ATP4A: variants seen among roughly 807,000 people sequenced by gnomAD.
ATP4A encodes the protein potassium-transporting ATPase alpha chain 1.
Under a neutral mutation model 112.1 loss-of-function variants are expected in ATP4A, and 73 were observed. The ratio of observed to expected loss-of-function variants is 0.65; its 90% CI spans 0.54 to 0.79. The LOEUF (loss-of-function observed/expected upper bound fraction) is 0.79. Ranked by LOEUF, ATP4A falls within the 30% of genes least tolerant of loss-of-function variation. The pLI is 0.00. For synonymous variants in ATP4A, 588 were observed against 588.9 expected (o/e 1.00, Z 0.02); for missense variants, 1,081 against 1,425.9 (o/e 0.76, Z 3.90).
In ATP4A at chr19:35,555,434, G is replaced by A. The variant is rs973164806; in HGVS notation, c.2157+6C>T. The A allele has an allele frequency of 2.5e-6, 4 of 1,610,810 alleles. No homozygotes were observed. In the South Asian group the frequency reaches 4.4e-5, roughly 18 times the overall value. On this transcript the variant is annotated splice_donor_region_variant and intron_variant, in intron 14 of 21. Transcript: ENST00000262623. This position sits in a 1 kb window ranked among gnomAD's most constrained non-coding sequence, Gnocchi z 6.6. ...CCGCCTGCCCACCCTCATCAGCAGG[G>A]CTCACCAGCCGCTGGCAGCTCTCCA... is the stretch of plus-strand genomic sequence containing the variant.
rs1023422591 is a variant in ATP4A at position 35,557,971 on chromosome 19, C to G, written c.1501-124G>C. 5 of 801,500 alleles carry G rather than the reference C, an allele frequency of 6.2e-6. No homozygotes were observed. The highest frequency in any genetic ancestry group is 1.9e-5 in the South Asian group (1 of 52,606). 49.6% of individuals were successfully genotyped at this position (801,500 alleles called of 1,614,324 possible). A position where few individuals can be genotyped will look rare whatever the true frequency, so the allele number is the denominator to read the frequency against. On this transcript the variant is annotated intron_variant, in intron 10 of 21. Coordinates refer to ENST00000262623, the MANE Select transcript of ATP4A (RefSeq NM_000704.3). The surrounding 1 kb of genome is among the most constrained non-coding windows in gnomAD (Gnocchi z 4.4). ...AGCTCGGTGCGGGCTCTGAGAGCTGCGGGGAAGGGTGAAGGTGGAAGATGG... is the reference window on the plus strand; with the variant it reads ...AGCTCGGTGCGGGCTCTGAGAGCTGGGGGGAAGGGTGAAGGTGGAAGATGG...
intron 17 of ATP4A, 44 bp from the exon 18 acceptor site, chr19:35,553,226 G>C (rs1568313171): frequency 2.6e-6 from 4 of 1,566,158 alleles, no homozygotes; most frequent in Non-Finnish European, 3.5e-6. Context: ...GATGGACACA[G>C]AGACAGGGAC....
At chr19:35,562,784 C>T (rs997583825) in intron 3 of ATP4A, 146 bp from the exon 4 acceptor site, 7 of 740,352 alleles carry the variant, frequency 9.5e-6, no homozygotes, top group Non-Finnish European at 1.5e-5. Context: ...CCTGCCCCCA[C>T]CCCATCTCTC....
Position 35,558,250 on chromosome 19 carries a change from G to T in ATP4A, c.1500+112C>A. ...GCGGGAGATGGGGTGGGGTTTGGCT[G>T]CGGAGAGAAGGGGCAAGGAGCGAAG... is the stretch of plus-strand genomic sequence containing the variant. On this transcript the variant is annotated intron_variant, in intron 10 of 21. Transcript: ENST00000262623. The surrounding 1 kb of genome is among the most constrained non-coding windows in gnomAD (Gnocchi z 5.1). 1 of 1,366,640 alleles carries T rather than the reference G, an allele frequency of 7.3e-7. No homozygotes were observed. Among genetic ancestry groups the T allele is most frequent in the Non-Finnish European group, 9.8e-7 (1 of 1,023,598 alleles). The allele number at this position is 1,366,640 out of a possible 1,614,324, so 84.7% of individuals were successfully genotyped here.
intron 17 of ATP4A, among the ~76,000 whole-genome samples, chr19:35,553,403 C>G (rs1038466289): frequency 6.6e-6 from 1 of 151,968 alleles, no homozygotes; most frequent in African/African-American, 2.4e-5. Context: ...GAGAGAGAAG[C>G]AGGGACAGAG....
rs755944544 is a variant in ATP4A at position 35,555,188 on chromosome 19, G to A, written c.2304C>T (p.Ser768=). Residue 768 remains serine (S), a synonymous_variant, in exon 15 of 22, where the codon TCC becomes TCT. Transcript: ENST00000262623. This position sits in a 1 kb window ranked among gnomAD's most constrained non-coding sequence, Gnocchi z 6.6. The stretch of plus-strand genomic sequence containing the variant: ...GACCCTGCTCCACGCCTGTCACAAT[G>A]GAGGCAAAGTTGTCATCCAGCAGGA... ...DMILLDDNFA[S]IVTGVEQGRL... 5 of 1,614,112 alleles carry A rather than the reference G, an allele frequency of 3.1e-6. No individual in the cohort carries two copies. The Admixed American group carries it at 8.3e-5, about 27-fold the overall frequency.
rs1293523645 is a variant in ATP4A, at chr19:35,555,060, G to A, written c.2343C>T (p.Asp781=). The change falls in exon 16 of 22, where the codon GAC becomes GAT. Residue 781 remains aspartate (D), a synonymous_variant. Transcript: ENST00000262623. The surrounding 1 kb of genome is among the most constrained non-coding windows in gnomAD (Gnocchi z 6.6). ...TGVEQGRLIF[D]NLKKSIAYTL... ...TGTAGGCAATAGACTTCTTCAGGTT[G>A]TCGAAGATCAGTCGACCTGTGGGGT... is the stretch of plus-strand genomic sequence containing the variant. 2 of 1,613,638 alleles carry A rather than the reference G, an allele frequency of 1.2e-6. No homozygotes were observed. The highest frequency in any genetic ancestry group is 1.1e-5 in the South Asian group (1 of 91,038).
chr19:35,559,729 G>A lies in ATP4A; in HGVS notation c.1056+76C>T. The A allele has an allele frequency of 6.4e-7, 1 of 1,551,206 alleles. No homozygotes were observed. The highest frequency in any genetic ancestry group is 8.7e-7 in the Non-Finnish European group (1 of 1,145,532). On this transcript the variant is annotated intron_variant, in intron 7 of 21. Transcript: ENST00000262623. This position sits in a 1 kb window ranked among gnomAD's most constrained non-coding sequence, Gnocchi z 4.1. ...ACAGATAGACAGGCAGGGAGGTGAT[G>A]GGGGAAATGTGGAGGAAAGAACAGA...
In ATP4A at chr19:35,558,165, T is replaced by C. The variant is rs2071643897; in HGVS notation, c.1500+197A>G. The stretch of plus-strand genomic sequence containing the variant: ...ATGGACAGTCCCGCCGAGGAGAAGC[T>C]GTGGGCGGGGCTGGGTGGTGGGCGG... On this transcript the variant is annotated intron_variant, in intron 10 of 21. Coordinates refer to ENST00000262623, the MANE Select transcript of ATP4A (RefSeq NM_000704.3). The surrounding 1 kb of genome is among the most constrained non-coding windows in gnomAD (Gnocchi z 5.1). 1 of 729,930 alleles carries C rather than the reference T, an allele frequency of 1.4e-6. No individual in the cohort carries two copies. Among genetic ancestry groups the C allele is most frequent in the Middle Eastern group, 4.0e-4 (1 of 2,508 alleles). The allele number at this position is 729,930 out of a possible 1,614,324, so 45.2% of individuals were successfully genotyped here.
At position 35,560,917 on chromosome 19, in the gene ATP4A, C is replaced by T. The variant is rs776771707; in HGVS notation, c.436G>A (p.Ala146Thr). 13 of 1,613,628 alleles carry T rather than the reference C, an allele frequency of 8.1e-6. No individual in the cohort carries two copies. Among genetic ancestry groups the T allele is most frequent in the African/African-American group, 2.7e-5 (2 of 74,792 alleles). The change falls in exon 5 of 22, where the codon GCT becomes ACT. Residue 146 changes from alanine to threonine, a missense_variant. By Grantham distance (58) the Ala-to-Thr change is moderately conservative (BLOSUM62 0). This residue lies in a region of ATP4A where 850 missense variants were observed against 1,068.2 expected (regional missense o/e 0.80). Transcript: ENST00000262623. The surrounding 1 kb of genome is among the most constrained non-coding windows in gnomAD (Gnocchi z 5.1). ...GTGACGACAACCACAGCAATGAGAG[C>T]GATTGCCAGGTACAGCTGGGGACAG... ...TTDDNLYLAI[A>T]LIAVVVVTGC...
Position 35,553,824 on chromosome 19 carries a change from T to G in ATP4A, c.2487A>C (p.Pro829=). Residue 829 remains proline, a synonymous_variant, in exon 17 of 22, where the codon CCA becomes CCC. Transcript: ENST00000262623. ...CCTTTTCATATGCCAGGGACACAGATGGGAACTGGCCAGGAGTGGAAGGAA... is the reference window on the plus strand; with the variant it reads ...CCTTTTCATATGCCAGGGACACAGAGGGGAACTGGCCAGGAGTGGAAGGAA... ...LFIELCTDIF[P]SVSLAYEKAE... 1 of 1,574,986 alleles carries G rather than the reference T, an allele frequency of 6.3e-7. No homozygotes were observed. The highest frequency in any genetic ancestry group is 8.6e-7 in the Non-Finnish European group (1 of 1,159,768).
rs2071651847 is a variant in ATP4A, at chr19:35,559,114, C to T, written c.1134G>A (p.Leu378=). ...VVKNLEAVET[L]GSTSVICSDK... is the part of the protein sequence containing the mutation. ...CCGAGCAGATCACCGAAGTGGAGCC[C>T]AATGTCTCCACCGCCTCCAGGTTCT... is the stretch of plus-strand genomic sequence containing the variant. Residue 378 remains leucine, a synonymous_variant, in exon 8 of 22, where the codon TTG becomes TTA. Coordinates refer to ENST00000262623, the MANE Select transcript of ATP4A (RefSeq NM_000704.3). This position sits in a 1 kb window ranked among gnomAD's most constrained non-coding sequence, Gnocchi z 4.1. 6.2e-7 allele frequency: 1 copy of T among 1,614,048 alleles called. No homozygotes were observed. The highest frequency in any genetic ancestry group is 1.3e-5 in the African/African-American group (1 of 74,918).
In ATP4A at chr19:35,557,616, C is replaced by T. The variant is rs1236810068; in HGVS notation, c.1693+39G>A. Reference sequence around the variant, plus strand: ...TGGGCAGGGTCTGTGCTAGCTCCTCCTCGCACCTGGAGTCTCCTCCCCTGC... The same window carrying T: ...TGGGCAGGGTCTGTGCTAGCTCCTCTTCGCACCTGGAGTCTCCTCCCCTGC... On this transcript the variant is annotated intron_variant, in intron 11 of 21. Transcript: ENST00000262623. The surrounding 1 kb of genome is among the most constrained non-coding windows in gnomAD (Gnocchi z 4.4). The T allele has an allele frequency of 1.9e-6, 3 of 1,567,254 alleles. No individual in the cohort carries two copies. Among genetic ancestry groups the T allele is most frequent in the South Asian group, 2.3e-5 (2 of 85,572 alleles).
At position 35,553,933 on chromosome 19, in the gene ATP4A, G is replaced by A. The variant is rs536442242; in HGVS notation, c.2482-104C>T. 7.5e-6 allele frequency: 11 copies of A among 1,459,464 alleles called. No individual in the cohort carries two copies. The African/African-American group carries it at 1.3e-4, about 17-fold the overall frequency. The allele number at this position is 1,459,464 out of a possible 1,614,324, so 90.4% of individuals were successfully genotyped here. On this transcript the variant is annotated intron_variant, in intron 16 of 21. Coordinates refer to ENST00000262623, the MANE Select transcript of ATP4A (RefSeq NM_000704.3). ...ACTTGTGAGCAGGAACAGGACTGAG[G>A]TTAGCAGGCAGGACCTGCAGGGACG...
At position 35,550,648 on chromosome 19, in the gene ATP4A, G is replaced by A; in HGVS notation, c.3080-5C>T. On this transcript the variant is annotated splice_polypyrimidine_tract_variant and splice_region_variant and intron_variant, in intron 21 of 21. Coordinates refer to ENST00000262623, the MANE Select transcript of ATP4A (RefSeq NM_000704.3). This position sits in a 1 kb window ranked among gnomAD's most constrained non-coding sequence, Gnocchi z 4.1. ...AGAGTTCCTGGTCCCACCAGCCTGG[G>A]AGAGAGAGGGAGAAAGGAGACTCAG... The A allele has an allele frequency of 1.2e-6, 2 of 1,613,832 alleles. No individual in the cohort carries two copies. Among genetic ancestry groups the A allele is most frequent in the Non-Finnish European group, 1.7e-6 (2 of 1,179,840 alleles).
rs542682315 is a variant in ATP4A at position 35,553,040 on chromosome 19, C to T, written c.2748G>A (p.Glu916=). 88 of 1,598,918 alleles carry T rather than the reference C, an allele frequency of 5.5e-5. No homozygotes were observed. The South Asian group carries it at 9.3e-4, about 17-fold the overall frequency. Residue 916 remains glutamate (E), a synonymous_variant, in exon 18 of 22, where the codon GAG becomes GAA. Coordinates refer to ENST00000262623, the MANE Select transcript of ATP4A (RefSeq NM_000704.3). ...LQDLQDSYGQ[E]WTFGQRLYQQ... is the part of the protein sequence containing the mutation. Reference sequence around the variant, plus strand: ...GATGGGGCGGGGCAGGGCTCACCCACTCCTGGCCGTAGCTGTCCTGCAGAT... The same window carrying T: ...GATGGGGCGGGGCAGGGCTCACCCATTCCTGGCCGTAGCTGTCCTGCAGAT...
chr19:35,550,805 G>GC lies in ATP4A; in HGVS notation c.3079+28dup. On this transcript the variant is annotated intron_variant, in intron 21 of 21. Transcript: ENST00000262623. This position sits in a 1 kb window ranked among gnomAD's most constrained non-coding sequence, Gnocchi z 4.1. The stretch of plus-strand genomic sequence containing the variant: ...AGCTGCTCAAACGTTTCAGTCCCCT[G>GC]CCCCCAGGCTCCCAGTCTCCACACT... 1 of 1,613,450 alleles carries GC rather than the reference G, an allele frequency of 6.2e-7. No homozygotes were observed. Among genetic ancestry groups the GC allele is most frequent in the Non-Finnish European group, 8.5e-7 (1 of 1,179,438 alleles).
Position 35,558,418 on chromosome 19 carries a change from G to T in ATP4A, c.1444C>A (p.Arg482=). The part of the protein sequence containing the change: ...ELTLGNAMGY[R]DRFPKVCEIP... Reference sequence around the variant, plus strand: ...TCGCAGACTTTTGGGAAGCGGTCCCGGTAGCCCATGGCGTTGCCCAGCGTC... The same window carrying T: ...TCGCAGACTTTTGGGAAGCGGTCCCTGTAGCCCATGGCGTTGCCCAGCGTC... The change falls in exon 10 of 22, where the codon CGG becomes AGG. Residue 482 remains arginine, a synonymous_variant. Transcript: ENST00000262623. This position sits in a 1 kb window ranked among gnomAD's most constrained non-coding sequence, Gnocchi z 5.1. The T allele has an allele frequency of 6.2e-7, 1 of 1,609,622 alleles. No homozygotes were observed. Among genetic ancestry groups the T allele is most frequent in the South Asian group, 1.1e-5 (1 of 90,148 alleles).
chr19:35,558,929 C>T lies in ATP4A; in HGVS notation c.1255+64G>A, dbSNP rs138834904. 1,030 of 1,586,654 alleles carry T rather than the reference C, an allele frequency of 6.5e-4. 7 individuals are homozygous for T. The African/African-American group carries it at 0.012, about 19-fold the overall frequency. On this transcript the variant is annotated intron_variant, in intron 8 of 21. Transcript: ENST00000262623. This position sits in a 1 kb window ranked among gnomAD's most constrained non-coding sequence, Gnocchi z 5.1. ...ACAAAGCCCTCCCTACCTCCCTATC[C>T]CTCTTCAGGTCTCCACCATCCACCA...
Sources: gnomAD v4.1 joint callset for allele counts (sites outside exome capture counted in the v4.1 genomes callset) on GRCh38, gnomAD v4.1.1 for gene constraint, gnomAD v4.1.1 regional missense constraint, Gnocchi (gnomAD v3.1) non-coding constraint, MANE v1.5 for transcripts, NCBI Gene and HGNC (gene_info 2026-07-23, HGNC 2026-07-21) for gene names.